Variants in REDIC1 observed in about 807,000 individuals in gnomAD.
REDIC1 encodes the protein HEI10 Interacting Protein 1.
At chr12:39,665,667 A>G in the REDIC1 span, among the ~76,000 whole-genome samples, 2 of 150,354 alleles carry the variant, frequency 1.3e-5, no homozygotes, top group Non-Finnish European at 3.0e-5. Context: ...CTTGGGCAGT[A>G]TGGCCATTTT....
chr12:39,828,436 T>C, the REDIC1 span, among the ~76,000 whole-genome samples: 1 of 152,126 alleles, frequency 6.6e-6, no homozygotes, highest in Non-Finnish European at 1.5e-5. Flanking sequence ...GAGTGAGTTG[T>C]TGAATTAATT....
chr12:39,709,178 G>T, the REDIC1 span, among the ~76,000 whole-genome samples: 1 of 148,834 alleles, frequency 6.7e-6, no homozygotes, highest in Non-Finnish European at 1.5e-5. Flanking sequence ...TATACATCCT[G>T]TGTTTCTATA....
the REDIC1 span, chr12:39,626,269 G>T: frequency 1.3e-6 from 2 of 1,586,952 alleles, no homozygotes; most frequent in Non-Finnish European, 1.7e-6. Context: ...CTGAAGCTGC[G>T]ATTTGGCGCA....
the REDIC1 span, chr12:39,721,012 G>T: frequency 6.2e-7 from 1 of 1,613,682 alleles, no homozygotes; most frequent in Non-Finnish European, 8.5e-7. Flanking sequence ...GTGCAATTCA[G>T]CCCACATTTT....
chr12:39,725,631 A>G, the REDIC1 span, among the ~76,000 whole-genome samples: 18 of 152,004 alleles, frequency 1.2e-4, no homozygotes, highest in African/African-American at 4.3e-4. Flanking sequence ...AGGCTATTTC[A>G]AGCTCCTCTT....
At chr12:39,653,557 C>CTT in the REDIC1 span, among the ~76,000 whole-genome samples, 294 of 56,080 alleles carry the variant, frequency 5.2e-3, 23 homozygotes, top group South Asian at 6.2e-3. Flanking sequence ...TCTTCTTCTT[C>CTT]TTTCTTCTTC....
the REDIC1 span, among the ~76,000 whole-genome samples, chr12:39,775,883 T>C: frequency 2.0e-5 from 3 of 152,238 alleles, no homozygotes; most frequent in Admixed American, 6.5e-5. Flanking sequence ...TTATGCTTAC[T>C]GGTTGAGCAC....
At chr12:39,865,170 C>T in the REDIC1 span, among the ~76,000 whole-genome samples, 85 of 152,276 alleles carry the variant, frequency 5.6e-4, no homozygotes, top group African/African-American at 1.9e-3. Context: ...AAAGAAACCA[C>T]GCACACCTAG....
the REDIC1 span, among the ~76,000 whole-genome samples, chr12:39,664,826 GTGA>G: frequency 6.6e-6 from 1 of 152,220 alleles, no homozygotes; most frequent in South Asian, 2.1e-4. Flanking sequence ...CTGATGGACA[GTGA>G]TGATGAGCAT....
the REDIC1 span, chr12:39,684,347 T>C: frequency 2.6e-6 from 2 of 772,090 alleles, no homozygotes; most frequent in Non-Finnish European, 3.2e-6. Flanking sequence ...ATAATTACAA[T>C]TTAGCCAAAT....
the REDIC1 span, among the ~76,000 whole-genome samples, chr12:39,874,384 C>T: frequency 5.3e-5 from 8 of 151,998 alleles, no homozygotes; most frequent in Non-Finnish European, 7.4e-5. Context: ...GAGGCCAAGG[C>T]GGGTGGATCA....
the REDIC1 span, among the ~76,000 whole-genome samples, chr12:39,765,881 C>T: frequency 2.6e-5 from 4 of 152,044 alleles, no homozygotes; most frequent in Non-Finnish European, 4.4e-5. Context: ...GCTCTCCCTC[C>T]TCCCAGCCCC....
chr12:39,639,262 T>TA, the REDIC1 span, among the ~76,000 whole-genome samples: 1 of 151,952 alleles, frequency 6.6e-6, no homozygotes, highest in Non-Finnish European at 1.5e-5. Flanking sequence ...TGCAGCAGAA[T>TA]ATATAGGGTT....
chr12:39,853,018 T>C, the REDIC1 span, among the ~76,000 whole-genome samples: 1 of 152,238 alleles, frequency 6.6e-6, no homozygotes, highest in East Asian at 1.9e-4. Context: ...CTGTGGAGTT[T>C]ACTTTTGTTT....
At chr12:39,658,440 T>C in the REDIC1 span, among the ~76,000 whole-genome samples, 1 of 152,212 alleles carries the variant, frequency 6.6e-6, no homozygotes, top group Non-Finnish European at 1.5e-5. Context: ...CCATGAGTTA[T>C]TTAGAAATTT....
the REDIC1 span, among the ~76,000 whole-genome samples, chr12:39,905,148 T>C: frequency 6.6e-6 from 1 of 152,144 alleles, no homozygotes; most frequent in Non-Finnish European, 1.5e-5. Context: ...AACTTGCTGG[T>C]CCTACTGTGA....
the REDIC1 span, among the ~76,000 whole-genome samples, chr12:39,638,226 A>G: frequency 6.6e-6 from 1 of 152,026 alleles, no homozygotes; most frequent in Admixed American, 6.6e-5. Context: ...ATCAGGAGTT[A>G]GTGACCCAAG....
At chr12:39,853,577 T>C in the REDIC1 span, among the ~76,000 whole-genome samples, 6 of 151,758 alleles carry the variant, frequency 4.0e-5, no homozygotes, top group East Asian at 3.9e-4. Flanking sequence ...TTCCTTCCTT[T>C]CTTCCTTCCT....
At chr12:39,713,368 ACACATATACATATG>A in the REDIC1 span, among the ~76,000 whole-genome samples, 138 of 145,448 alleles carry the variant, frequency 9.5e-4, 2 homozygotes, top group South Asian at 1.7e-3. Context: ...ATACGTGTAT[ACACATATACATATG>A]TATGTGTGTA....
Sources: allele counts gnomAD v4.1 joint callset (sites outside exome capture counted in the v4.1 genomes callset), GRCh38; gene constraint gnomAD v4.1.1; transcripts MANE v1.5; gene names NCBI Gene and HGNC (gene_info 2026-07-23, HGNC 2026-07-21).